PCDH7: variants seen among roughly 807,000 people sequenced by gnomAD.
The protein encoded by PCDH7 is protocadherin 7.
PCDH7 carries 17 observed loss-of-function variants against 58.9 expected under a neutral mutation model. That is an observed-to-expected ratio of 0.29 (90% confidence interval 0.20 to 0.43). PCDH7 has a LOEUF of 0.43. Ranked by LOEUF, PCDH7 falls within the 20% of genes least tolerant of loss-of-function variation. The pLI is 1.00. For synonymous variants in PCDH7, 664 were observed against 616.4 expected (o/e 1.08, Z -1.14); for missense variants, 1,274 against 1,441.0 (o/e 0.88, Z 1.88).
intron 1 of PCDH7, among the ~76,000 whole-genome samples, chr4:30,748,621 C>G (rs529110352): frequency 6.6e-6 from 1 of 152,206 alleles, no homozygotes; most frequent in Non-Finnish European, 1.5e-5. Flanking sequence ...AAAGGCCCTA[C>G]TACCTAATAC....
chr4:31,121,710 A>C (rs1717711851), intron 3 of PCDH7, among the ~76,000 whole-genome samples: 1 of 152,160 alleles, frequency 6.6e-6, no homozygotes, highest in South Asian at 2.1e-4. Flanking sequence ...GGTAGAAGAA[A>C]ACGCGTCTCT....
At chr4:30,802,954 G>A (rs898024272) in intron 1 of PCDH7, among the ~76,000 whole-genome samples, 1 of 152,124 alleles carries the variant, frequency 6.6e-6, no homozygotes, top group Non-Finnish European at 1.5e-5. Context: ...TTGGTAATGG[G>A]ATTGGCAAGG....
chr4:30,987,862 A>G (rs1028264240), intron 3 of PCDH7: 13 of 152,296 alleles, frequency 8.5e-5, no homozygotes, highest in Middle Eastern at 3.4e-3. Context: ...TACTTTTCTT[A>G]TTAGGGCAAT....
At chr4:30,787,092 C>A (rs1269003185) in intron 1 of PCDH7, among the ~76,000 whole-genome samples, 1 of 151,984 alleles carries the variant, frequency 6.6e-6, no homozygotes, top group African/African-American at 2.4e-5. Context: ...TCAGATATCG[C>A]CATACTCAGG....
In PCDH7 at chr4:31,142,459, T is replaced by C. The variant is rs1340157909; in HGVS notation, c.*8-14T>C. The C allele has an allele frequency of 7.3e-7, 1 of 1,362,930 alleles. No homozygotes were observed. The highest frequency in any genetic ancestry group is 1.9e-5 in the Admixed American group (1 of 52,070). The allele number at this position is 1,362,930 out of a possible 1,614,324, so 84.4% of individuals were successfully genotyped here. A position where few individuals can be genotyped will look rare whatever the true frequency, so the allele number is the denominator to read the frequency against. On this transcript the variant is annotated splice_polypyrimidine_tract_variant and intron_variant, in intron 3 of 3. Transcript: ENST00000509759. ...AGTGTCAAATACTAATGGCTTATTC[T>C]CCTTGGATTTCAGATTCAAGGCCTC... is the stretch of plus-strand genomic sequence containing the variant.
intron 1 of PCDH7, among the ~76,000 whole-genome samples, chr4:30,849,724 C>T (rs2109345267): frequency 6.6e-6 from 1 of 152,214 alleles, no homozygotes; most frequent in South Asian, 2.1e-4. Context: ...CACTAAGACC[C>T]TCGCATTGTC....
chr4:31,052,530 A>G (rs950497295), intron 3 of PCDH7, among the ~76,000 whole-genome samples: 1 of 152,156 alleles, frequency 6.6e-6, no homozygotes, highest in African/African-American at 2.4e-5. Context: ...CCTTTTCTTT[A>G]AGGACATAGA....
intron 3 of PCDH7, among the ~76,000 whole-genome samples, chr4:31,004,633 C>T (rs965634311): frequency 2.0e-5 from 3 of 152,070 alleles, no homozygotes; most frequent in Non-Finnish European, 4.4e-5. Flanking sequence ...TTGCAGTGAG[C>T]CGAGATCCCG....
At chr4:30,853,847 G>A (rs190255037) in intron 1 of PCDH7, among the ~76,000 whole-genome samples, 273 of 152,018 alleles carry the variant, frequency 1.8e-3, no homozygotes, top group Non-Finnish European at 1.8e-3. Flanking sequence ...GTACTCCAAA[G>A]TCTATTTTCC....
Position 30,904,042 on chromosome 4 carries a change from G to A in PCDH7, c.71-16111G>A, listed in dbSNP as rs1323009034. 3.9e-5 allele frequency among the ~76,000 whole-genome samples: 6 copies of A among 152,024 alleles called. No homozygotes were observed. The East Asian group carries it at 1.2e-3, about 29-fold the overall frequency. On this transcript the variant is annotated intron_variant, in intron 1 of 3. Coordinates refer to the PCDH7 transcript ENST00000509759. ...GTGCCCTACAGGTGAACCCAACAGG[G>A]AACACCCATTTAAATTTCAATGATG...
intron 3 of PCDH7, among the ~76,000 whole-genome samples, chr4:31,080,981 C>G (rs1277948106): frequency 2.0e-5 from 3 of 152,166 alleles, no homozygotes; most frequent in African/African-American, 7.2e-5. Flanking sequence ...GTAAGACATG[C>G]CTTTCACTTT....
At chr4:31,037,237 C>CT (rs1376364631) in intron 3 of PCDH7, among the ~76,000 whole-genome samples, 1 of 152,120 alleles carries the variant, frequency 6.6e-6, no homozygotes, top group Non-Finnish European at 1.5e-5. Flanking sequence ...AAACTCTTGC[C>CT]TGATCTCCCT....
At chr4:31,074,258 C>A (rs1758788385) in intron 3 of PCDH7, among the ~76,000 whole-genome samples, 1 of 151,194 alleles carries the variant, frequency 6.6e-6, no homozygotes, top group Non-Finnish European at 1.5e-5. Context: ...CATAAACATA[C>A]TAGATTGCAA....
At chr4:30,974,808 T>C (rs1379123585) in intron 3 of PCDH7, among the ~76,000 whole-genome samples, 1 of 150,814 alleles carries the variant, frequency 6.6e-6, no homozygotes, top group Non-Finnish European at 1.5e-5. Context: ...TTAAAGGACA[T>C]AGGGTGGGCG....
chr4:31,084,592 G>A (rs1447969061), intron 3 of PCDH7, among the ~76,000 whole-genome samples: 4 of 147,166 alleles, frequency 2.7e-5, no homozygotes, highest in South Asian at 4.4e-4. Context: ...GGGCTTATAG[G>A]GAACTATAGT....
At chr4:31,141,995 A>G (rs1720314082) in intron 3 of PCDH7, among the ~76,000 whole-genome samples, 1 of 152,194 alleles carries the variant, frequency 6.6e-6, no homozygotes, top group African/African-American at 2.4e-5. Flanking sequence ...AAGGTTTTGC[A>G]TATTTGCATT....
chr4:30,748,122 A>G (rs1207147038), intron 1 of PCDH7, among the ~76,000 whole-genome samples: 2 of 152,206 alleles, frequency 1.3e-5, no homozygotes, highest in Non-Finnish European at 2.9e-5. Context: ...TCACACTTTA[A>G]TAGGAGCACA....
chr4:30,797,300 T>C (rs1281193225), intron 1 of PCDH7, among the ~76,000 whole-genome samples: 1 of 151,350 alleles, frequency 6.6e-6, no homozygotes, highest in Middle Eastern at 3.2e-3. Flanking sequence ...TGAGACGGAG[T>C]CTTGCTCTGT....
intron 3 of PCDH7, among the ~76,000 whole-genome samples, chr4:30,984,018 T>C (rs552198418): frequency 1.3e-5 from 2 of 152,338 alleles, no homozygotes; most frequent in Admixed American, 1.3e-4. Flanking sequence ...TTAGTATCCC[T>C]AGTACTAAGA....
Sources: gnomAD v4.1 joint callset for allele counts (sites outside exome capture counted in the v4.1 genomes callset) on GRCh38, gnomAD v4.1.1 for gene constraint, MANE v1.5 for transcripts, NCBI Gene and HGNC (gene_info 2026-07-23, HGNC 2026-07-21) for gene names.